CNBD2: variants seen among roughly 807,000 people sequenced by gnomAD.
CNBD2 encodes cyclic nucleotide binding domain containing 2.
Under a neutral mutation model 63.7 loss-of-function variants are expected in CNBD2, and 64 were observed. That is an observed-to-expected ratio of 1.00 (90% confidence interval 0.82 to 1.24). The LOEUF (loss-of-function observed/expected upper bound fraction) is 1.24. CNBD2 is among the 50% of genes most tolerant of loss of function. The pLI is 0.00. For missense variants in CNBD2, 691 were observed against 713.5 expected (o/e 0.97, Z 0.36); for synonymous variants, 229 against 255.4 (o/e 0.90, Z 0.99).
intron 3 of CNBD2, among the ~76,000 whole-genome samples, chr20:35,977,779 G>T (rs1201445433): frequency 2.6e-5 from 4 of 152,174 alleles, no homozygotes; most frequent in Admixed American, 1.3e-4. Flanking sequence ...AAACAGTGTG[G>T]TGATTGTTGT....
In CNBD2 at chr20:35,960,883, T is replaced by C. The variant is rs144739936; in HGVS notation, c.228+3109T>C. ...CTTCTCTTCCTTTCCTCTCCTCTCC[T>C]CTCCTCTCCCCTCCCCTCCCCTTTT... On this transcript the variant is annotated intron_variant, in intron 2 of 4. Coordinates refer to the CNBD2 transcript ENST00000622112. Among the ~76,000 whole-genome samples the C allele has an allele frequency of 2.1e-3, 305 of 146,054 alleles. 3 individuals carry two copies. Among genetic ancestry groups the C allele is most frequent in the Middle Eastern group, 0.021 (6 of 288 alleles).
chr20:35,998,129 C>A (rs1252068793), intron 8 of CNBD2, among the ~76,000 whole-genome samples: 1 of 150,608 alleles, frequency 6.6e-6, no homozygotes. Context: ...TCATCCTCCA[C>A]CCCCCAGGTT....
chr20:35,961,608 G>A (rs565394887), intron 2 of CNBD2, among the ~76,000 whole-genome samples: 1 of 151,754 alleles, frequency 6.6e-6, no homozygotes, highest in Non-Finnish European at 1.5e-5. Context: ...GCTTTTTTCA[G>A]TAATATATTT....
At chr20:36,009,282 A>G (rs2057025496) in intron 9 of CNBD2, among the ~76,000 whole-genome samples, 1 of 151,592 alleles carries the variant, frequency 6.6e-6, no homozygotes. Context: ...GCTCACTGTA[A>G]GCTCCGCCTC....
At chr20:35,975,401 CG>C (rs2056497509) in intron 2 of CNBD2, among the ~76,000 whole-genome samples, 1 of 111,706 alleles carries the variant, frequency 9.0e-6, no homozygotes, top group African/African-American at 3.7e-5. Context: ...CCCGGGTTCA[CG>C]CCATTCTCCT....
chr20:35,954,519 G>A (rs1226592506), upstream of CNBD2: 6 of 1,527,910 alleles, frequency 3.9e-6, no homozygotes, highest in Non-Finnish European at 4.4e-6. Flanking sequence ...GTCGGCGCGC[G>A]AGCACCCGGA....
chr20:36,028,571 A>G (rs1357840461), intron 11 of CNBD2, among the ~76,000 whole-genome samples: 4 of 152,266 alleles, frequency 2.6e-5, no homozygotes, highest in East Asian at 1.9e-4. Flanking sequence ...GGCTGCATCC[A>G]CAAGAAAGTC....
chr20:35,979,670 C>A (rs6060739), intron 3 of CNBD2, among the ~76,000 whole-genome samples: 1 of 152,040 alleles, frequency 6.6e-6, no homozygotes, highest in African/African-American at 2.4e-5. Flanking sequence ...TCAGCTAAGA[C>A]GACCCAGTGG....
chr20:35,974,941 A>G (rs2056479013), intron 2 of CNBD2: 2 of 152,206 alleles, frequency 1.3e-5, no homozygotes, highest in South Asian at 2.1e-4. Flanking sequence ...TTGGCTCATT[A>G]AAGACATTTA....
At chr20:35,969,856 T>C (rs1335866663) in intron 1 of CNBD2, among the ~76,000 whole-genome samples, 2 of 152,262 alleles carry the variant, frequency 1.3e-5, no homozygotes, top group African/African-American at 4.8e-5. Flanking sequence ...AGTACACACA[T>C]CCTCAACTTT....
intron 7 of CNBD2, 138 bp from the exon 8 acceptor site, chr20:35,994,900 A>G (rs2056801720): frequency 1.7e-6 from 1 of 593,304 alleles, no homozygotes; most frequent in Admixed American, 3.1e-5. Flanking sequence ...AAAAAAAGAA[A>G]AAAGAACCTG....
intron 8 of CNBD2, among the ~76,000 whole-genome samples, 162 bp from the exon 9 acceptor site, chr20:36,008,132 CATT>C (rs1475252238): frequency 6.6e-6 from 1 of 152,076 alleles, no homozygotes; most frequent in Non-Finnish European, 1.5e-5. Flanking sequence ...CACCCAGGGA[CATT>C]ACATGGAGGC....
chr20:36,018,594 TC>T (rs911600970), intron 10 of CNBD2, among the ~76,000 whole-genome samples: 47 of 152,180 alleles, frequency 3.1e-4, no homozygotes, highest in Middle Eastern at 3.4e-3. Flanking sequence ...GGAAGGTGGG[TC>T]ACATCGTCCT....
chr20:36,010,444 CAAAA>C (rs147122121), intron 9 of CNBD2, among the ~76,000 whole-genome samples: 2 of 92,976 alleles, frequency 2.2e-5, no homozygotes, highest in Admixed American at 1.2e-4. Flanking sequence ...AACTCTGTCT[CAAAA>C]AAAAAAAAAA....
At chr20:35,996,324 G>T (rs2056823844) in intron 8 of CNBD2, among the ~76,000 whole-genome samples, 1 of 152,054 alleles carries the variant, frequency 6.6e-6, no homozygotes, top group South Asian at 2.1e-4. Context: ...AACATATTTT[G>T]GCTGCTGTGT....
At chr20:36,015,082 T>C (rs1344969758) in intron 10 of CNBD2, among the ~76,000 whole-genome samples, 1 of 152,232 alleles carries the variant, frequency 6.6e-6, no homozygotes, top group Non-Finnish European at 1.5e-5. Flanking sequence ...AACATCTCAT[T>C]GGATTTTCAA....
chr20:36,030,398 G>A lies in CNBD2; in HGVS notation c.1481G>A (p.Trp494Ter). 6.2e-7 allele frequency: 1 copy of A among 1,614,126 alleles called. No homozygotes were observed. The change falls in exon 12 of 12, where the codon TGG (tryptophan) becomes TAG (stop). Residue 494 changes from tryptophan to a stop codon, truncating the protein, a stop_gained. Coordinates refer to ENST00000373973, the MANE Select transcript of CNBD2 (RefSeq NM_001365709.1). LOFTEE classifies it low-confidence loss of function (END_TRUNC). The stretch of plus-strand genomic sequence containing the variant: ...CAGAAGTTCCTCCAGCAGAACAGCT[G>A]GAATATCTTTCGGAAGGACCTGTTG... ...MCQKFLQQNS[W>*]NIFRKDLLQL... is the part of the protein sequence containing the mutation.
chr20:35,987,254 G>T (rs1284193151), intron 6 of CNBD2, 141 bp from the exon 7 acceptor site: 9 of 857,324 alleles, frequency 1.0e-5, no homozygotes, highest in East Asian at 5.0e-5. Flanking sequence ...TACAGGCAAG[G>T]CCAGGTAATT....
At chr20:35,977,314 C>T (rs1186519608) in intron 3 of CNBD2, among the ~76,000 whole-genome samples, 1 of 152,196 alleles carries the variant, frequency 6.6e-6, no homozygotes, top group South Asian at 2.1e-4. Context: ...CCCGTCTCAG[C>T]CTTCTGAGTA....
Sources: gnomAD v4.1 joint callset for allele counts (sites outside exome capture counted in the v4.1 genomes callset) on GRCh38, gnomAD v4.1.1 for gene constraint, MANE v1.5 for transcripts, NCBI Gene and HGNC (gene_info 2026-07-23, HGNC 2026-07-21) for gene names.